The following ZNF704 variants were observed in gnomAD, a reference collection of about 807,000 sequenced individuals.
The protein encoded by ZNF704 is zinc finger protein 704, also known as glucocorticoid induced gene 1.
ZNF704 carries 10 observed loss-of-function variants against 44.7 expected under a neutral mutation model. The ratio of observed to expected loss-of-function variants is 0.22; its 90% CI spans 0.14 to 0.38. ZNF704 has a LOEUF of 0.38. ZNF704 is among the 10% of genes least tolerant of loss of function. ZNF704 has a pLI of 1.00. For synonymous variants in ZNF704, 211 were observed against 207.6 expected, an observed-to-expected ratio of 1.02 and a Z score of -0.14; for missense variants, 390 against 545.5, an observed-to-expected ratio of 0.71 and a Z score of 2.84.
chr8:80,756,883 G>A (rs1356141448), intron 2 of ZNF704, among the ~76,000 whole-genome samples: 6 of 152,142 alleles, frequency 3.9e-5, no homozygotes, highest in East Asian at 1.9e-4. Flanking sequence ...CTAGGCACAC[G>A]GGCAATTAGG....
At chr8:80,772,461 G>A (rs1014196258) in intron 2 of ZNF704, among the ~76,000 whole-genome samples, 4 of 152,252 alleles carry the variant, frequency 2.6e-5, no homozygotes, top group Admixed American at 6.5e-5. Flanking sequence ...CAATCATGGC[G>A]AAAGGGGAAG....
At position 80,724,294 on chromosome 8, in the gene ZNF704, A is replaced by C. The variant is rs75673746; in HGVS notation, c.222-31187T>G. ...CAAAGATGGTGTCAATAATAAATCA[A>C]ATAAAACCCATGACTCTTCCTATCT... On this transcript the variant is annotated intron_variant, in intron 2 of 8. Coordinates refer to ENST00000327835, the MANE Select transcript of ZNF704 (RefSeq NM_001033723.3). Among the ~76,000 whole-genome samples, 15 of 152,342 alleles carry C rather than the reference A, an allele frequency of 9.8e-5. 1 individual carries two copies. In the East Asian group the frequency reaches 2.7e-3, roughly 27 times the overall value.
intron 4 of ZNF704, among the ~76,000 whole-genome samples, chr8:80,680,078 C>T (rs1028071325): frequency 5.3e-5 from 8 of 152,080 alleles, no homozygotes; most frequent in Admixed American, 2.6e-4. Flanking sequence ...TGGTTTCATA[C>T]TTGGAATATA....
intron 2 of ZNF704, among the ~76,000 whole-genome samples, chr8:80,769,951 T>C (rs1405494508): frequency 6.6e-6 from 1 of 152,178 alleles, no homozygotes; most frequent in African/African-American, 2.4e-5. Flanking sequence ...TCCACGTGGC[T>C]GGGGAGGCCT....
intron 1 of ZNF704, among the ~76,000 whole-genome samples, chr8:80,867,930 A>G (rs866839577): frequency 6.6e-6 from 1 of 152,240 alleles, no homozygotes; most frequent in Non-Finnish European, 1.5e-5. Context: ...GTAGGCTTCT[A>G]GCAGTCTTTT....
intron 1 of ZNF704, among the ~76,000 whole-genome samples, chr8:80,869,139 T>G (rs1809206598): frequency 1.3e-5 from 2 of 152,224 alleles, no homozygotes. Flanking sequence ...GAAATTTAAA[T>G]GAGACTATGC....
intron 2 of ZNF704, among the ~76,000 whole-genome samples, chr8:80,817,743 G>T (rs546741873): frequency 6.6e-6 from 1 of 152,186 alleles, no homozygotes; most frequent in South Asian, 2.1e-4. Context: ...TATTTCAATT[G>T]TCCCTATCTT....
At chr8:80,646,163 A>G (rs1472505941) in intron 7 of ZNF704, among the ~76,000 whole-genome samples, 1 of 152,228 alleles carries the variant, frequency 6.6e-6, no homozygotes, top group East Asian at 1.9e-4. Context: ...TTATAGCAGC[A>G]CAAAACTTAG....
In ZNF704 at chr8:80,800,330, A is replaced by C. The variant is rs144753312; in HGVS notation, c.221+21044T>G. On this transcript the variant is annotated intron_variant, in intron 2 of 8. Coordinates refer to ENST00000327835, the MANE Select transcript of ZNF704 (RefSeq NM_001033723.3). ...AGGAAATGCAGAGAACCCCAGTAAG[A>C]TAATCCATGAGAAGATTAACCCCAA... Among the ~76,000 whole-genome samples the C allele has an allele frequency of 2.3e-4, 35 of 152,282 alleles. No individual in the cohort carries two copies. In the East Asian group the frequency reaches 6.8e-3, roughly 29 times the overall value.
At chr8:80,693,177 C>A in intron 2 of ZNF704, 70 bp from the exon 3 acceptor site, 5 of 1,284,138 alleles carry the variant, frequency 3.9e-6, no homozygotes, top group Non-Finnish European at 5.7e-6. Context: ...AGGTGTGACA[C>A]GCTGTCACGC....
rs1232310766 is a variant in ZNF704 at position 80,637,069 on chromosome 8, C to G, written c.*4297G>C. On this transcript the variant is annotated 3_prime_UTR_variant, in exon 9 of 9. Transcript: ENST00000327835. ...CCACCCCGTCCCCCTCCCCCACCCC[C>G]AGGCATTGCACCTGTGGTTCAAATG... 1 of 151,150 alleles carries G rather than the reference C, an allele frequency of 6.6e-6. No homozygotes were observed. The highest frequency in any genetic ancestry group is 1.5e-5 in the Non-Finnish European group (1 of 67,876). The allele number at this position is 151,150 out of a possible 1,614,324, so 9.4% of individuals were successfully genotyped here.
At position 80,630,684 on chromosome 8, in the gene ZNF704, T is replaced by A. The variant is rs1160777371; in HGVS notation, c.*10682A>T. The A allele has an allele frequency of 6.6e-6, 1 of 152,200 alleles. No individual in the cohort carries two copies. Among genetic ancestry groups the A allele is most frequent in the Admixed American group, 6.5e-5 (1 of 15,288 alleles). The allele number at this position is 152,200 out of a possible 1,614,324, so 9.4% of individuals were successfully genotyped here. A position where few individuals can be genotyped will look rare whatever the true frequency, so the allele number is the denominator to read the frequency against. On this transcript the variant is annotated 3_prime_UTR_variant, in exon 9 of 9. Coordinates refer to ENST00000327835, the MANE Select transcript of ZNF704 (RefSeq NM_001033723.3). ...CATCTGATGATAGTCATGAACCCTT[T>A]GGGACCTAGCGATTTTTTCTTATCC...
chr8:80,665,189 G>C (rs1818170879), intron 5 of ZNF704, 107 bp from the exon 6 acceptor site: 6 of 1,277,204 alleles, frequency 4.7e-6, no homozygotes, highest in Non-Finnish European at 1.1e-6. Flanking sequence ...CCTCCCTCTT[G>C]TTTGCCTTGC....
chr8:80,792,786 G>A (rs77120665), intron 2 of ZNF704, among the ~76,000 whole-genome samples: 6,255 of 152,162 alleles, frequency 0.041, 410 homozygotes, highest in African/African-American at 0.14. Flanking sequence ...CTACTCTTCC[G>A]GAAATGAATT....
At chr8:80,736,431 C>T (rs1806667114) in intron 2 of ZNF704, among the ~76,000 whole-genome samples, 1 of 152,178 alleles carries the variant, frequency 6.6e-6, no homozygotes, top group South Asian at 2.1e-4. Flanking sequence ...AGGCACGCGC[C>T]ACCACGCCCA....
At chr8:80,731,900 A>C (rs1806588403) in intron 2 of ZNF704, among the ~76,000 whole-genome samples, 1 of 152,278 alleles carries the variant, frequency 6.6e-6, no homozygotes, top group African/African-American at 2.4e-5. Flanking sequence ...GCTAGAAACA[A>C]GAATGAAACA....
chr8:80,659,321 C>T (rs1382247019), intron 7 of ZNF704, among the ~76,000 whole-genome samples: 1 of 152,106 alleles, frequency 6.6e-6, no homozygotes, highest in East Asian at 1.9e-4. Context: ...AACACACTAC[C>T]AACACACAAA....
chr8:80,668,068 T>C (rs1206754195), intron 5 of ZNF704, among the ~76,000 whole-genome samples: 4 of 152,226 alleles, frequency 2.6e-5, no homozygotes, highest in African/African-American at 7.2e-5. Context: ...CCCTGAAACA[T>C]AGAACATTAT....
chr8:80,660,651 T>C (rs536975163), intron 6 of ZNF704, among the ~76,000 whole-genome samples: 1 of 152,204 alleles, frequency 6.6e-6, no homozygotes, highest in South Asian at 2.1e-4. Context: ...TACAACCAAC[T>C]GATTTTTGAC....
Sources: gnomAD v4.1 joint callset for allele counts (sites outside exome capture counted in the v4.1 genomes callset) on GRCh38, gnomAD v4.1.1 for gene constraint, MANE v1.5 for transcripts, NCBI Gene and HGNC (gene_info 2026-07-23, HGNC 2026-07-21) for gene names.